Variants in ASAP1 observed in about 807,000 individuals in gnomAD.
The protein encoded by ASAP1 is arf-GAP with SH3 domain, ANK repeat and PH domain-containing protein 1.
ASAP1 carries 43 observed loss-of-function variants against 145.2 expected under a neutral mutation model. That is an observed-to-expected ratio of 0.30 (90% confidence interval 0.23 to 0.38). The LOEUF (loss-of-function observed/expected upper bound fraction) is 0.38, where lower values mean the gene tolerates loss of function less well. Ranked by LOEUF, ASAP1 falls within the 10% of genes least tolerant of loss-of-function variation. The probability of loss-of-function intolerance (pLI) is 1.00; values close to 1 mark genes in which losing one functional copy is unlikely to be tolerated. For synonymous variants in ASAP1, 546 were observed against 515.5 expected (o/e 1.06, Z -0.80); for missense variants, 1,018 against 1,355.3 (o/e 0.75, Z 3.91).
At chr8:130,235,976 T>A (rs1280775455) in intron 4 of ASAP1, among the ~76,000 whole-genome samples, 1 of 152,098 alleles carries the variant, frequency 6.6e-6, no homozygotes, top group Non-Finnish European at 1.5e-5. Flanking sequence ...AACAACTTTT[T>A]TTAATACCAC....
At chr8:130,397,044 T>C (rs1828561456) in intron 2 of ASAP1, among the ~76,000 whole-genome samples, 1 of 152,212 alleles carries the variant, frequency 6.6e-6, no homozygotes, top group Non-Finnish European at 1.5e-5. Flanking sequence ...TCTTGTTCTT[T>C]ATTCCCTTGG....
intron 1 of ASAP1, among the ~76,000 whole-genome samples, chr8:130,417,203 C>T (rs948746394): frequency 6.6e-6 from 1 of 151,896 alleles, no homozygotes; most frequent in Non-Finnish European, 1.5e-5. Context: ...TGCACACACA[C>T]AGAAAACAAC....
intron 3 of ASAP1, among the ~76,000 whole-genome samples, chr8:130,292,896 G>A (rs995627994): frequency 5.9e-5 from 9 of 152,330 alleles, no homozygotes; most frequent in Non-Finnish European, 1.3e-4. Flanking sequence ...TGTGAACAGA[G>A]AAAAGGATCT....
intron 26 of ASAP1, among the ~76,000 whole-genome samples, chr8:130,077,592 C>T (rs1486453539): frequency 8.3e-6 from 1 of 120,980 alleles, no homozygotes; most frequent in African/African-American, 3.2e-5. Context: ...TGTCACCAGG[C>T]TGGAGTGCAG....
chr8:130,318,024 TAG>T (rs1565202790), intron 3 of ASAP1, among the ~76,000 whole-genome samples: 3 of 152,166 alleles, frequency 2.0e-5, no homozygotes, highest in African/African-American at 7.2e-5. Flanking sequence ...CATCCACTGA[TAG>T]AGAGTTTTTA....
intron 3 of ASAP1, among the ~76,000 whole-genome samples, chr8:130,285,007 C>A (rs1224617272): frequency 6.6e-6 from 1 of 152,070 alleles, no homozygotes; most frequent in Admixed American, 6.5e-5. Flanking sequence ...CCCATCCACA[C>A]CCTATTTAAG....
At chr8:130,440,784 A>G (rs962904799) in intron 1 of ASAP1, among the ~76,000 whole-genome samples, 25 of 152,134 alleles carry the variant, frequency 1.6e-4, no homozygotes, top group African/African-American at 6.0e-4. Context: ...CCTCCCCTGC[A>G]ATCTCTCTGC....
intron 4 of ASAP1, among the ~76,000 whole-genome samples, chr8:130,231,915 C>A (rs1817930065): frequency 6.6e-6 from 1 of 152,220 alleles, no homozygotes; most frequent in Admixed American, 6.5e-5. Context: ...TCCTACTGTA[C>A]TGACCCAGGG....
At chr8:130,295,966 A>G (rs928875835) in intron 3 of ASAP1, among the ~76,000 whole-genome samples, 2 of 152,198 alleles carry the variant, frequency 1.3e-5, no homozygotes, top group African/African-American at 4.8e-5. Flanking sequence ...TCCTTTTAGC[A>G]CCCAGAATGC....
intron 1 of ASAP1, among the ~76,000 whole-genome samples, chr8:130,410,445 A>C (rs1202718161): frequency 6.6e-6 from 1 of 152,124 alleles, no homozygotes; most frequent in Non-Finnish European, 1.5e-5. Flanking sequence ...CTATACTCGG[A>C]GGGAGGCTAG....
chr8:130,402,916 TG>T (rs143478128), intron 1 of ASAP1, among the ~76,000 whole-genome samples: 21,840 of 116,332 alleles, frequency 0.19, 1,804 homozygotes, highest in South Asian at 0.31. Flanking sequence ...TAATCTTTTG[TG>T]GGGTTTTTTT....
At chr8:130,357,199 GCCC>G (rs1244958273) in intron 3 of ASAP1, among the ~76,000 whole-genome samples, 1 of 151,466 alleles carries the variant, frequency 6.6e-6, no homozygotes, top group African/African-American at 2.4e-5. Flanking sequence ...CCTTGGCCCT[GCCC>G]CCCACCCCCC....
chr8:130,119,384 G>A (rs1375370198), intron 18 of ASAP1, among the ~76,000 whole-genome samples: 1 of 152,252 alleles, frequency 6.6e-6, no homozygotes, highest in East Asian at 1.9e-4. Context: ...GGGAGCAGGA[G>A]ACCACATGGA....
At chr8:130,207,877 A>T (rs553803338) in intron 5 of ASAP1, among the ~76,000 whole-genome samples, 1 of 152,302 alleles carries the variant, frequency 6.6e-6, no homozygotes, top group South Asian at 2.1e-4. Flanking sequence ...CTTCAATTAG[A>T]GGAAGAAATT....
At chr8:130,164,815 TG>T (rs1327357639) in intron 11 of ASAP1, among the ~76,000 whole-genome samples, 1 of 152,104 alleles carries the variant, frequency 6.6e-6, no homozygotes, top group African/African-American at 2.4e-5. Flanking sequence ...TAGAACCCGG[TG>T]GGGATGAGTA....
At chr8:130,177,247 A>G (rs1814025179) in intron 9 of ASAP1, among the ~76,000 whole-genome samples, 1 of 152,246 alleles carries the variant, frequency 6.6e-6, no homozygotes, top group Non-Finnish European at 1.5e-5. Flanking sequence ...CACCATTACT[A>G]GCGAAGGCTA....
chr8:130,057,925 G>T (rs1337154847), intron 29 of ASAP1, 29 bp downstream of exon 29: 1 of 1,611,840 alleles, frequency 6.2e-7, no homozygotes. Flanking sequence ...ATGAATGTAC[G>T]GATGAAGTGG....
chr8:130,350,585 C>G (rs1825939673), intron 3 of ASAP1, among the ~76,000 whole-genome samples: 1 of 152,198 alleles, frequency 6.6e-6, no homozygotes, highest in Non-Finnish European at 1.5e-5. Flanking sequence ...CAGCCAAAAT[C>G]AAACACATTT....
chr8:130,190,291 A>G (rs1815051217), intron 5 of ASAP1, among the ~76,000 whole-genome samples: 1 of 152,158 alleles, frequency 6.6e-6, no homozygotes, highest in African/African-American at 2.4e-5. Flanking sequence ...TTCAGGTCTT[A>G]GATTTAAGTC....
Sources: allele counts gnomAD v4.1 joint callset (sites outside exome capture counted in the v4.1 genomes callset), GRCh38; gene constraint gnomAD v4.1.1; transcripts MANE v1.5; gene names NCBI Gene and HGNC (gene_info 2026-07-23, HGNC 2026-07-21).